Variants in DDX19A observed in about 807,000 individuals in gnomAD.
DDX19A encodes the protein ATP-dependent RNA helicase DDX19A.
Under a neutral mutation model 60.6 loss-of-function variants are expected in DDX19A, and 12 were observed. The observed-to-expected ratio is 0.20, with a 90% CI of 0.13 to 0.32. The LOEUF is 0.32. Among genes scored for constraint, DDX19A ranks in the 10% least tolerant of loss-of-function variants. The probability of loss-of-function intolerance (pLI) is 1.00; values close to 1 mark genes in which losing one functional copy is unlikely to be tolerated. For missense variants in DDX19A, 337 were observed against 600.6 expected (o/e 0.56, Z 4.59); for synonymous variants, 206 against 218.2 (o/e 0.94, Z 0.49).
At chr16:70,355,665 A>G in intron 3 of DDX19A, 130 bp downstream of exon 3, 2 of 774,096 alleles carry the variant, frequency 2.6e-6, no homozygotes, top group Middle Eastern at 2.3e-4. Context: ...CAGTGAGAGG[A>G]GGAGAACAAA....
rs963673130 is a variant in DDX19A, at chr16:70,366,393, G to A, written c.782+131G>A. ...ACTCTCAGCAGCATTTGTTTGACGG[G>A]CCATTTCCATGTCAGCGCTGATCAC... is the stretch of plus-strand genomic sequence containing the variant. On this transcript the variant is annotated intron_variant, in intron 8 of 11. Transcript: ENST00000302243. 3.1e-5 allele frequency: 43 copies of A among 1,405,798 alleles called. No individual in the cohort carries two copies. In the African/African-American group the frequency reaches 5.7e-4, roughly 19 times the overall value. 87.1% of individuals were successfully genotyped at this position (1,405,798 alleles called of 1,614,324 possible).
chr16:70,352,939 A>T (rs1964068837), intron 2 of DDX19A, among the ~76,000 whole-genome samples: 1 of 151,886 alleles, frequency 6.6e-6, no homozygotes, highest in African/African-American at 2.4e-5. Flanking sequence ...CATCTGGCTG[A>T]TATACCATGA....
rs71151183 is a variant in DDX19A, at chr16:70,357,366, G to GT, written c.293+1155dup. On this transcript the variant is annotated intron_variant, in intron 4 of 11. Transcript: ENST00000302243. The stretch of plus-strand genomic sequence containing the variant: ...AATCTGTCAAATCTGTTTTTGGTTT[G>GT]TTTTTTTTTTTTTTTTTTTTTTTTT... Among the ~76,000 whole-genome samples the GT allele has an allele frequency of 6.1e-3, 270 of 44,566 alleles. 103 individuals carry two copies. Among genetic ancestry groups the GT allele is most frequent in the Non-Finnish European group, 8.3e-3 (202 of 24,358 alleles). The allele number at this position is 44,566 out of a possible 152,430, so 29.2% of individuals were successfully genotyped here.
chr16:70,351,647 C>T (rs1597521700), intron 2 of DDX19A, among the ~76,000 whole-genome samples: 1 of 152,066 alleles, frequency 6.6e-6, no homozygotes, highest in South Asian at 2.1e-4. Flanking sequence ...GCCTCAGCCT[C>T]CCAAGTAGCT....
intron 9 of DDX19A, among the ~76,000 whole-genome samples, chr16:70,367,271 AC>A (rs1964546562): frequency 6.6e-6 from 1 of 152,060 alleles, no homozygotes; most frequent in African/African-American, 2.4e-5. Context: ...TACTAAAAGT[AC>A]AAAAAATTAG....
In DDX19A at chr16:70,364,735, C is replaced by T. The variant is rs1039974131; in HGVS notation, c.489+90C>T. 5 of 984,394 alleles carry T rather than the reference C, an allele frequency of 5.1e-6. No individual in the cohort carries two copies. In the African/African-American group the frequency reaches 6.4e-5, roughly 13 times the overall value. 61.0% of individuals were successfully genotyped at this position (984,394 alleles called of 1,614,324 possible). A position where few individuals can be genotyped will look rare whatever the true frequency, so the allele number is the denominator to read the frequency against. ...AGGAGTAACGAGAGGTCTGAAGCTT[C>T]TGACACCTTAGGCTGTGGCTCAGGC... On this transcript the variant is annotated intron_variant, in intron 6 of 11. Coordinates refer to ENST00000302243, the MANE Select transcript of DDX19A (RefSeq NM_018332.5).
rs1282920193 is a variant in DDX19A, at chr16:70,371,849, C to G, written c.1376-76C>G. 5 of 1,611,904 alleles carry G rather than the reference C, an allele frequency of 3.1e-6. No homozygotes were observed. The Admixed American group carries it at 5.0e-5, about 16-fold the overall frequency. ...GCTTAGGCACCCGGAGCCTTTGGGCCTGAATGAATGATTGCTGTGGCCTGA... is the reference window on the plus strand; with the variant it reads ...GCTTAGGCACCCGGAGCCTTTGGGCGTGAATGAATGATTGCTGTGGCCTGA... On this transcript the variant is annotated intron_variant, in intron 11 of 11. Transcript: ENST00000302243.
intron 4 of DDX19A, among the ~76,000 whole-genome samples, chr16:70,359,997 A>T (rs1381050978): frequency 6.6e-6 from 1 of 151,340 alleles, no homozygotes; most frequent in Non-Finnish European, 1.5e-5. Context: ...TTCTTTTTTT[A>T]TGGCCGGGCG....
chr16:70,354,710 AG>A (rs1964129600), intron 2 of DDX19A, among the ~76,000 whole-genome samples: 1 of 152,220 alleles, frequency 6.6e-6, no homozygotes, highest in Admixed American at 6.6e-5. Context: ...TGGGAGGCCA[AG>A]GCAGGAGGAT....
intron 4 of DDX19A, chr16:70,356,971 A>G (rs1438384460): frequency 7.1e-5 from 61 of 859,648 alleles, no homozygotes; most frequent in Non-Finnish European, 8.7e-5. Flanking sequence ...AAAAAAGGCC[A>G]GGCACAGTGG....
intron 8 of DDX19A, 37 bp downstream of exon 8, chr16:70,366,299 C>G (rs1331093220): frequency 1.2e-6 from 2 of 1,613,026 alleles, no homozygotes; most frequent in Non-Finnish European, 1.7e-6. Context: ...CTCAGACTCC[C>G]CATCTGCAGT....
Position 70,366,717 on chromosome 16 carries a change from T to C in DDX19A, c.876T>C (p.Asn292=), listed in dbSNP as rs1065167. The change falls in exon 9 of 12, where the codon AAT becomes AAC. Residue 292 remains asparagine (N), a synonymous_variant. Coordinates refer to ENST00000302243, the MANE Select transcript of DDX19A (RefSeq NM_018332.5). Reference sequence around the variant, plus strand: ...CCCAGAAAGTGGTCCCAGACCCAAATGTTATCAAACTGAAGCGTGAGGAAG... The same window carrying C: ...CCCAGAAAGTGGTCCCAGACCCAAACGTTATCAAACTGAAGCGTGAGGAAG... ...KFAQKVVPDP[N]VIKLKREEET... 434 of 1,614,158 alleles carry C rather than the reference T, an allele frequency of 2.7e-4. 3 individuals are homozygous for C. The highest frequency in any genetic ancestry group is 2.2e-3 in the African/African-American group (168 of 75,026).
At position 70,371,181 on chromosome 16, in the gene DDX19A, C is replaced by A. The variant is rs988283797; in HGVS notation, c.1184-191C>A. The stretch of plus-strand genomic sequence containing the variant: ...GATCTCATGATTTTGTTGGCACTTG[C>A]CAAAGTTCTCTTCTTTTCCTCTGGG... On this transcript the variant is annotated intron_variant, in intron 10 of 11. Transcript: ENST00000302243. 5.0e-6 allele frequency: 5 copies of A among 1,004,510 alleles called. No homozygotes were observed. In the African/African-American group the frequency reaches 6.5e-5, roughly 13 times the overall value. The allele number at this position is 1,004,510 out of a possible 1,614,324, so 62.2% of individuals were successfully genotyped here.
chr16:70,366,059 T>C (rs1381472289), intron 7 of DDX19A, 26 bp from the exon 8 acceptor site: 1 of 1,614,086 alleles, frequency 6.2e-7, no homozygotes, highest in Non-Finnish European at 8.5e-7. Flanking sequence ...TTGAAATACC[T>C]ATGAAAATCA....
At chr16:70,353,119 T>G (rs1256104568) in intron 2 of DDX19A, among the ~76,000 whole-genome samples, 1 of 147,362 alleles carries the variant, frequency 6.8e-6, no homozygotes, top group African/African-American at 2.7e-5. Flanking sequence ...TTGCGATTTT[T>G]TCTTTCTTTC....
chr16:70,364,266 C>G, intron 5 of DDX19A: 1 of 362,560 alleles, frequency 2.8e-6, no homozygotes, highest in Non-Finnish European at 5.1e-6. Flanking sequence ...CCCTGTGCCC[C>G]TTGGGGTGCA....
At chr16:70,366,006 A>G in intron 7 of DDX19A, 79 bp from the exon 8 acceptor site, 3 of 1,604,440 alleles carry the variant, frequency 1.9e-6, no homozygotes, top group South Asian at 1.1e-5. Flanking sequence ...TCCTAGTCCT[A>G]GAAGGATGGG....
intron 1 of DDX19A, among the ~76,000 whole-genome samples, chr16:70,348,151 G>T (rs1282245909): frequency 6.6e-6 from 1 of 152,130 alleles, no homozygotes; most frequent in African/African-American, 2.4e-5. Flanking sequence ...GTTGGGCAGT[G>T]GAAGTGAAAA....
intron 1 of DDX19A, among the ~76,000 whole-genome samples, chr16:70,349,721 A>T (rs546000789): frequency 6.6e-6 from 1 of 152,360 alleles, no homozygotes; most frequent in South Asian, 2.1e-4. Flanking sequence ...GTTTAGCATC[A>T]GATCTTCTCT....
Sources: allele counts gnomAD v4.1 joint callset (sites outside exome capture counted in the v4.1 genomes callset), GRCh38; gene constraint gnomAD v4.1.1; transcripts MANE v1.5; gene names NCBI Gene and HGNC (gene_info 2026-07-23, HGNC 2026-07-21).